The following NEK7 variants were observed in gnomAD, a reference collection of about 807,000 sequenced individuals.
NEK7 encodes the protein NIMA related kinase 7.
In NEK7, 18 loss-of-function variants were observed where a neutral mutation model predicts 44.6. The observed-to-expected ratio is 0.40, with a 90% CI of 0.28 to 0.60. The LOEUF (loss-of-function observed/expected upper bound fraction) is 0.60. NEK7 is among the 20% of genes least tolerant of loss of function. The pLI is 0.38. For missense variants in NEK7, 256 were observed against 366.5 expected (o/e 0.70, Z 2.46); for synonymous variants, 130 against 121.1 (o/e 1.07, Z -0.48).
At chr1:198,159,176 C>T (rs1314106538) in intron 1 of NEK7, among the ~76,000 whole-genome samples, 3 of 152,190 alleles carry the variant, frequency 2.0e-5, no homozygotes, top group Non-Finnish European at 4.4e-5. Flanking sequence ...GCAGCCAGGA[C>T]CTCGCGTTCG....
chr1:198,315,996 G>C (rs1295272193), intron 9 of NEK7, among the ~76,000 whole-genome samples: 1 of 152,080 alleles, frequency 6.6e-6, no homozygotes, highest in Non-Finnish European at 1.5e-5. Context: ...GAGTGAAACA[G>C]GAAAAGAGTT....
intron 9 of NEK7, among the ~76,000 whole-genome samples, chr1:198,316,822 GA>G (rs1340753990): frequency 6.6e-6 from 1 of 152,172 alleles, no homozygotes; most frequent in African/African-American, 2.4e-5. Context: ...GGGGCAAAAA[GA>G]AAGAACAAAA....
chr1:198,265,840 AGATG>A (rs1251748442), intron 5 of NEK7, among the ~76,000 whole-genome samples: 3 of 152,140 alleles, frequency 2.0e-5, no homozygotes, highest in African/African-American at 4.8e-5. Flanking sequence ...GCCTTTAAAT[AGATG>A]GATGGATATG....
intron 2 of NEK7, among the ~76,000 whole-genome samples, chr1:198,236,771 C>T (rs553739713): frequency 6.6e-5 from 10 of 152,224 alleles, no homozygotes; most frequent in Admixed American, 2.6e-4. Context: ...CTACTGGGTC[C>T]GTGCTACTAT....
chr1:198,266,451 C>G (rs1055832964), intron 5 of NEK7, among the ~76,000 whole-genome samples: 1 of 151,880 alleles, frequency 6.6e-6, no homozygotes, highest in Non-Finnish European at 1.5e-5. Context: ...AACTCATCAT[C>G]CAGTGGGAGA....
At position 198,157,172 on chromosome 1, in the gene NEK7, C is replaced by G. The variant is rs1187451166; in HGVS notation, c.-133C>G. The G allele has an allele frequency of 1.3e-5, 2 of 151,754 alleles. No homozygotes were observed. The highest frequency in any genetic ancestry group is 4.8e-5 in the African/African-American group (2 of 41,378). The allele number at this position is 151,754 out of a possible 1,614,324, so 9.4% of individuals were successfully genotyped here. On this transcript the variant is annotated 5_prime_UTR_variant, in exon 1 of 10. Transcript: ENST00000367385. Reference sequence around the variant, plus strand: ...GCCGACAGGCTCCGGGCCTCGCAGCCTCAGCCCCCGGCCCAGCGCGCTTTC... The same window carrying G: ...GCCGACAGGCTCCGGGCCTCGCAGCGTCAGCCCCCGGCCCAGCGCGCTTTC...
intron 2 of NEK7, among the ~76,000 whole-genome samples, chr1:198,248,509 G>A (rs562204245): frequency 1.8e-4 from 27 of 152,288 alleles, no homozygotes; most frequent in African/African-American, 4.6e-4. Context: ...TGGGTAAGCC[G>A]TTTGAGAGCA....
At chr1:198,227,463 G>GA (rs1181209964) in intron 1 of NEK7, among the ~76,000 whole-genome samples, 2 of 152,152 alleles carry the variant, frequency 1.3e-5, no homozygotes. Context: ...CACAATGGTT[G>GA]AACTAGTTTA....
In NEK7 at chr1:198,319,640, C is replaced by T; in HGVS notation, c.*118C>T. 1.6e-6 allele frequency: 2 copies of T among 1,224,608 alleles called. No homozygotes were observed. Among genetic ancestry groups the T allele is most frequent in the Non-Finnish European group, 2.1e-6 (2 of 945,516 alleles). The allele number at this position is 1,224,608 out of a possible 1,614,324, so 75.9% of individuals were successfully genotyped here. A position where few individuals can be genotyped will look rare whatever the true frequency, so the allele number is the denominator to read the frequency against. ...TTTCAGAGCTAGTGTGCTTTGAATC[C>T]TTAACCAGTTTTCATATAAGCTTCA... is the stretch of plus-strand genomic sequence containing the variant. On this transcript the variant is annotated 3_prime_UTR_variant, in exon 10 of 10. Coordinates refer to ENST00000367385, the MANE Select transcript of NEK7 (RefSeq NM_133494.3).
At chr1:198,196,249 G>T (rs6428437) in intron 1 of NEK7, among the ~76,000 whole-genome samples, 82,867 of 152,032 alleles carry the variant, frequency 0.55, 25,521 homozygotes, top group East Asian at 0.9. Flanking sequence ...ATCACAAGCT[G>T]ATTTAGTGCA....
At chr1:198,161,833 T>A (rs947267487) in intron 1 of NEK7, among the ~76,000 whole-genome samples, 2 of 152,068 alleles carry the variant, frequency 1.3e-5, no homozygotes, top group Admixed American at 1.3e-4. Flanking sequence ...TGAAAACTAC[T>A]AGACAAAGAA....
chr1:198,209,037 G>A (rs797003728), intron 1 of NEK7, among the ~76,000 whole-genome samples: 2 of 145,356 alleles, frequency 1.4e-5, no homozygotes, highest in East Asian at 2.0e-4. Flanking sequence ...ATGTGTGTGT[G>A]TATATATATA....
chr1:198,291,563 C>T (rs1212551936), intron 7 of NEK7, among the ~76,000 whole-genome samples: 1 of 152,024 alleles, frequency 6.6e-6, no homozygotes, highest in African/African-American at 2.4e-5. Context: ...TAATTTATGT[C>T]TTAAAGTTTG....
chr1:198,290,649 A>T (rs1654525599), intron 7 of NEK7, among the ~76,000 whole-genome samples: 1 of 152,158 alleles, frequency 6.6e-6, no homozygotes, highest in African/African-American at 2.4e-5. Flanking sequence ...TCCTATTAAT[A>T]ATTATAGTGC....
intron 3 of NEK7, among the ~76,000 whole-genome samples, chr1:198,254,806 C>G (rs1429548601): frequency 6.6e-6 from 1 of 152,092 alleles, no homozygotes; most frequent in African/African-American, 2.4e-5. Flanking sequence ...TTGCAGTCTT[C>G]TCTGTTTTAA....
rs189813705 is a variant in NEK7, at chr1:198,256,457, G to A, written c.198+3277G>A. Reference sequence around the variant, plus strand: ...AACCAATCTTTTTGAAAATTTACCTGTATCCCATCATGGTTCATTTGCAAA... The same window carrying A: ...AACCAATCTTTTTGAAAATTTACCTATATCCCATCATGGTTCATTTGCAAA... On this transcript the variant is annotated intron_variant, in intron 3 of 9. Transcript: ENST00000367385. 1.1e-5 allele frequency: 17 copies of A among 1,604,356 alleles called. No homozygotes were observed. The East Asian group carries it at 2.5e-4, about 23-fold the overall frequency.
At chr1:198,181,981 GATATAT>G (rs201430507) in intron 1 of NEK7, among the ~76,000 whole-genome samples, 1 of 151,508 alleles carries the variant, frequency 6.6e-6, no homozygotes, top group South Asian at 2.1e-4. Context: ...AGAAAAAAGT[GATATAT>G]ATATATAATT....
At chr1:198,295,819 T>C (rs1022858047) in intron 8 of NEK7, among the ~76,000 whole-genome samples, 1 of 150,142 alleles carries the variant, frequency 6.7e-6, no homozygotes, top group African/African-American at 2.4e-5. Flanking sequence ...TTATTATTAT[T>C]ATTATTATTA....
chr1:198,199,481 C>T (rs1169434232), intron 1 of NEK7, among the ~76,000 whole-genome samples: 2 of 152,142 alleles, frequency 1.3e-5, no homozygotes, highest in Non-Finnish European at 2.9e-5. Flanking sequence ...CTAGTGCACA[C>T]ATTTAATTAA....
Sources: gnomAD v4.1 joint callset for allele counts (sites outside exome capture counted in the v4.1 genomes callset) on GRCh38, gnomAD v4.1.1 for gene constraint, MANE v1.5 for transcripts, NCBI Gene and HGNC (gene_info 2026-07-23, HGNC 2026-07-21) for gene names.